Variants in LRRC37A2 observed in about 807,000 individuals in gnomAD.
LRRC37A2 encodes the protein leucine rich repeat containing 37 member A2, also known as leucine-rich repeat-containing protein 37A2.
LRRC37A2 carries 9 observed loss-of-function variants against 68.8 expected under a neutral mutation model. The ratio of observed to expected loss-of-function variants is 0.13; its 90% CI spans 0.08 to 0.23. The LOEUF is 0.23. LRRC37A2 is among the 10% of genes least tolerant of loss of function. The pLI, the probability that LRRC37A2 is intolerant of heterozygous loss-of-function variation, is 1.00. For synonymous variants in LRRC37A2, 63 were observed against 367.6 expected, an observed-to-expected ratio of 0.17 and a Z score of 9.48; for missense variants, 168 against 950.4, an observed-to-expected ratio of 0.18 and a Z score of 10.82.
chr17:46,873,187 T>C, the LRRC37A2 span, among the ~76,000 whole-genome samples: 1 of 151,874 alleles, frequency 6.6e-6, no homozygotes, highest in South Asian at 2.1e-4. Flanking sequence ...CCAGGCCCGA[T>C]GACACGAGCC....
At chr17:46,872,466 C>T in the LRRC37A2 span, 6 of 1,444,710 alleles carry the variant, frequency 4.2e-6, no homozygotes, top group Non-Finnish European at 5.5e-6. Flanking sequence ...TCATTTGCCC[C>T]TCACCACCAT....
chr17:47,026,875 C>T, the LRRC37A2 span, among the ~76,000 whole-genome samples: 1 of 151,880 alleles, frequency 6.6e-6, no homozygotes, highest in South Asian at 2.1e-4. Context: ...GGAAAACAGA[C>T]CTAAACTAAG....
the LRRC37A2 span, among the ~76,000 whole-genome samples, chr17:46,977,027 G>A: frequency 0.015 from 2,331 of 152,210 alleles, 60 homozygotes; most frequent in African/African-American, 0.053. Flanking sequence ...GGACGACCAG[G>A]GTTGGGGGAT....
At chr17:46,496,622 A>AC in the LRRC37A2 span, among the ~76,000 whole-genome samples, 2 of 79,502 alleles carry the variant, frequency 2.5e-5, no homozygotes, top group East Asian at 5.3e-4. Flanking sequence ...AAAAAAAAAC[A>AC]AAACAAAACA....
the LRRC37A2 span, chr17:46,909,932 C>T: frequency 1.3e-5 from 2 of 152,442 alleles, no homozygotes; most frequent in African/African-American, 4.8e-5. Flanking sequence ...TGCTCCTCCT[C>T]CTGGCAGGCT....
the LRRC37A2 span, among the ~76,000 whole-genome samples, chr17:46,864,273 C>A: frequency 6.6e-6 from 1 of 152,292 alleles, no homozygotes; most frequent in African/African-American, 2.4e-5. Context: ...ACCAGGAGTG[C>A]GGTTTCAGCC....
chr17:46,792,812 CCTGA>C, the LRRC37A2 span, among the ~76,000 whole-genome samples: 1 of 152,154 alleles, frequency 6.6e-6, no homozygotes, highest in African/African-American at 2.4e-5. Flanking sequence ...TTTATTGAGG[CCTGA>C]CTATGTGCCA....
the LRRC37A2 span, among the ~76,000 whole-genome samples, chr17:46,974,530 C>T: frequency 2.6e-5 from 4 of 152,172 alleles, no homozygotes; most frequent in South Asian, 2.1e-4. Flanking sequence ...GTCAGGAGAT[C>T]GAGAGCATCC....
the LRRC37A2 span, chr17:46,818,465 C>T: frequency 1.3e-6 from 2 of 1,555,396 alleles, no homozygotes; most frequent in Middle Eastern, 2.2e-4. Flanking sequence ...CCCCCACCTT[C>T]CCCGGACGCG....
the LRRC37A2 span, among the ~76,000 whole-genome samples, chr17:46,796,321 C>A: frequency 4.6e-5 from 7 of 152,294 alleles, no homozygotes; most frequent in East Asian, 1.3e-3. Flanking sequence ...TAATAAAGAC[C>A]AGTGACATCC....
the LRRC37A2 span, among the ~76,000 whole-genome samples, chr17:46,845,158 C>G: frequency 1.3e-5 from 2 of 152,272 alleles, no homozygotes; most frequent in South Asian, 4.1e-4. Flanking sequence ...CTCCTTCCTC[C>G]TTCTTTTGAG....
the LRRC37A2 span, among the ~76,000 whole-genome samples, chr17:46,957,887 G>T: frequency 6.6e-6 from 1 of 152,182 alleles, no homozygotes; most frequent in South Asian, 2.1e-4. Flanking sequence ...CGGAGGCAAG[G>T]CACTCACCCA....
the LRRC37A2 span, among the ~76,000 whole-genome samples, chr17:46,839,945 TTTCTTTCTTTC>T: frequency 2.0e-5 from 3 of 149,876 alleles, no homozygotes; most frequent in African/African-American, 7.4e-5. Context: ...TCTTTCTTTC[TTTCTTTCTTTC>T]TTTCTTTCTT....
At chr17:46,920,781 C>T in the LRRC37A2 span, among the ~76,000 whole-genome samples, 10 of 152,162 alleles carry the variant, frequency 6.6e-5, no homozygotes, top group African/African-American at 2.4e-4. Flanking sequence ...TTGGTTTGGA[C>T]TGAGCTCCTG....
At chr17:46,903,847 G>A in the LRRC37A2 span, among the ~76,000 whole-genome samples, 1 of 151,316 alleles carries the variant, frequency 6.6e-6, no homozygotes, top group Non-Finnish European at 1.5e-5. Flanking sequence ...GTGGATGATG[G>A]ATAGGTGGGT....
At chr17:46,859,283 G>A in the LRRC37A2 span, among the ~76,000 whole-genome samples, 524 of 152,256 alleles carry the variant, frequency 3.4e-3, 2 homozygotes, top group Middle Eastern at 0.01. Flanking sequence ...GCCAATCTTA[G>A]CTTTTACCCT....
the LRRC37A2 span, among the ~76,000 whole-genome samples, chr17:46,474,030 T>C: frequency 1.9e-4 from 21 of 108,554 alleles, 5 homozygotes; most frequent in Admixed American, 1.7e-3. Flanking sequence ...ATGTTCATTT[T>C]TTACCAGTTT....
the LRRC37A2 span, chr17:47,035,003 C>G: frequency 6.6e-6 from 1 of 151,974 alleles, no homozygotes; most frequent in African/African-American, 2.4e-5. Context: ...GATCACAAGG[C>G]AGGACAAGCT....
chr17:46,882,272 T>A, the LRRC37A2 span, among the ~76,000 whole-genome samples: 1 of 152,170 alleles, frequency 6.6e-6, no homozygotes, highest in Non-Finnish European at 1.5e-5. Flanking sequence ...TCTAGAACAG[T>A]CCCCCTCTTT....
Sources: allele counts gnomAD v4.1 joint callset (sites outside exome capture counted in the v4.1 genomes callset), GRCh38; gene constraint gnomAD v4.1.1; transcripts MANE v1.5; gene names NCBI Gene and HGNC (gene_info 2026-07-23, HGNC 2026-07-21).